Variants in FRS2 observed in about 807,000 individuals in gnomAD.
The protein encoded by FRS2 is fibroblast growth factor receptor substrate 2, also known as FGFR signalling adaptor.
Under a neutral mutation model 43.9 loss-of-function variants are expected in FRS2, and 8 were observed. The observed-to-expected ratio is 0.18, with a 90% CI of 0.11 to 0.33. The LOEUF (loss-of-function observed/expected upper bound fraction) is 0.33. Ranked by LOEUF, FRS2 falls within the 10% of genes least tolerant of loss-of-function variation. FRS2 has a pLI of 1.00. For missense variants in FRS2, 534 were observed against 627.6 expected (o/e 0.85, Z 1.59); for synonymous variants, 219 against 220.3 (o/e 0.99, Z 0.05).
intron 1 of FRS2, among the ~76,000 whole-genome samples, chr12:69,474,580 A>C (rs1050851076): frequency 5.3e-5 from 8 of 152,230 alleles, no homozygotes; most frequent in African/African-American, 1.4e-4. Flanking sequence ...CTGATCATTA[A>C]AAATCCAATT....
intron 3 of FRS2, among the ~76,000 whole-genome samples, chr12:69,544,644 T>C (rs573421592): frequency 2.0e-5 from 3 of 151,806 alleles, no homozygotes; most frequent in Admixed American, 1.3e-4. Flanking sequence ...GAGGAGGGGG[T>C]TGCAGTGAGC....
chr12:69,486,285 G>A (rs1318975091), intron 1 of FRS2: 2 of 151,576 alleles, frequency 1.3e-5, no homozygotes, highest in Admixed American at 6.6e-5. Flanking sequence ...TCATGTCTCT[G>A]GGTCACATTT....
intron 4 of FRS2, among the ~76,000 whole-genome samples, chr12:69,567,271 T>C (rs11177720): frequency 0.026 from 3,922 of 152,306 alleles, 156 homozygotes; most frequent in African/African-American, 0.089. Flanking sequence ...GCATATTAGT[T>C]AAAGCAAAAA....
Position 69,574,714 on chromosome 12 carries a change from T to C in FRS2, c.1286T>C (p.Leu429Ser). Residue 429 changes from leucine to serine, a missense_variant, in exon 9 of 9, where the codon TTA becomes TCA. Leu to Ser is a moderately radical substitution (Grantham distance 145). Around this residue, in one of 3 missense-constraint regions of FRS2, gnomAD observed 446 missense variants for 494.2 expected, o/e 0.90. Transcript: ENST00000549921. ...VFNFDIRRPS[L>S]EHRQLNYIQV... ...AACTTTGATATCAGACGCCCAAGTT[T>C]AGAACACAGGCAGCTTAATTACATA... 4.3e-6 allele frequency: 7 copies of C among 1,614,138 alleles called. No individual in the cohort carries two copies. Among genetic ancestry groups the C allele is most frequent in the Non-Finnish European group, 5.9e-6 (7 of 1,179,996 alleles).
At chr12:69,474,362 A>G (rs879607902) in intron 1 of FRS2, among the ~76,000 whole-genome samples, 10 of 152,102 alleles carry the variant, frequency 6.6e-5, no homozygotes, top group Non-Finnish European at 2.9e-5. Context: ...AATAATACAA[A>G]TAGGTGTACT....
At chr12:69,550,918 A>T (rs1376181585) in intron 3 of FRS2, among the ~76,000 whole-genome samples, 1 of 152,234 alleles carries the variant, frequency 6.6e-6, no homozygotes, top group Non-Finnish European at 1.5e-5. Context: ...TAAAAAGATT[A>T]TTTAAAGTAC....
At chr12:69,573,604 A>G (rs1880942044) in intron 8 of FRS2, among the ~76,000 whole-genome samples, 1 of 152,102 alleles carries the variant, frequency 6.6e-6, no homozygotes, top group South Asian at 2.1e-4. Flanking sequence ...CTAGGATTAC[A>G]GGCGCTCACC....
rs1179357290 is a variant in FRS2 at position 69,577,469 on chromosome 12, G to A, written c.*2514G>A. On this transcript the variant is annotated 3_prime_UTR_variant, in exon 9 of 9. Transcript: ENST00000549921. ...AGAATGAAATATTGATATTTTATTA[G>A]CATATAATTGTGGCCATATATCTCA... is the stretch of plus-strand genomic sequence containing the variant. The A allele has an allele frequency of 1.3e-5, 2 of 152,328 alleles. No individual in the cohort carries two copies. Among genetic ancestry groups the A allele is most frequent in the Non-Finnish European group, 2.9e-5 (2 of 67,992 alleles). 9.4% of individuals were successfully genotyped at this position (152,328 alleles called of 1,614,324 possible).
intron 4 of FRS2, among the ~76,000 whole-genome samples, 157 bp from the exon 5 acceptor site, chr12:69,568,848 G>C (rs1880511660): frequency 6.6e-6 from 1 of 152,062 alleles, no homozygotes; most frequent in South Asian, 2.1e-4. Context: ...AAATCAACTA[G>C]CTAGTTGTAT....
At chr12:69,492,380 T>C (rs1378579021) in intron 1 of FRS2, among the ~76,000 whole-genome samples, 2 of 152,206 alleles carry the variant, frequency 1.3e-5, no homozygotes, top group Non-Finnish European at 2.9e-5. Flanking sequence ...GATCCTGATA[T>C]CTGTGATTCA....
At position 69,565,507 on chromosome 12, in the gene FRS2, A is replaced by G. The variant is rs1311919999; in HGVS notation, c.-27+3233A>G. Among the ~76,000 whole-genome samples, 6 of 152,314 alleles carry G rather than the reference A, an allele frequency of 3.9e-5. No homozygotes were observed. In the Middle Eastern group the frequency reaches 0.017, roughly 432 times the overall value. ...ACTTTTTGACTCTCTTATAATATTT[A>G]GCTTAAAACACACACATTCTACAGC... On this transcript the variant is annotated intron_variant, in intron 4 of 8. Transcript: ENST00000549921.
At chr12:69,546,702 C>A (rs1878442302) in intron 3 of FRS2, among the ~76,000 whole-genome samples, 1 of 152,034 alleles carries the variant, frequency 6.6e-6, no homozygotes, top group Admixed American at 6.6e-5. Context: ...AGGATGGCTA[C>A]TATTTTTTAA....
intron 1 of FRS2, among the ~76,000 whole-genome samples, chr12:69,501,951 G>GT (rs965243679): frequency 1.6e-4 from 20 of 128,014 alleles, no homozygotes; most frequent in Admixed American, 4.7e-4. Flanking sequence ...ACACCTATCT[G>GT]TTTTTTTTGT....
intron 3 of FRS2, among the ~76,000 whole-genome samples, chr12:69,538,955 C>T (rs7310738): frequency 0.013 from 1,908 of 152,220 alleles, 45 homozygotes; most frequent in African/African-American, 0.043. Context: ...GATGCCATGA[C>T]ACCCCGGTAG....
chr12:69,540,499 A>G (rs1159539172), intron 3 of FRS2, among the ~76,000 whole-genome samples: 1 of 152,250 alleles, frequency 6.6e-6, no homozygotes, highest in African/African-American at 2.4e-5. Context: ...AACTCAGAGT[A>G]TAAAATAAAT....
chr12:69,476,425 A>C (rs1592902240), intron 1 of FRS2, among the ~76,000 whole-genome samples: 1 of 152,316 alleles, frequency 6.6e-6, no homozygotes, highest in East Asian at 1.9e-4. Flanking sequence ...ATTAGCCAAC[A>C]AGATAAATAA....
At chr12:69,561,386 A>G (rs988471007) in intron 3 of FRS2, among the ~76,000 whole-genome samples, 1 of 152,328 alleles carries the variant, frequency 6.6e-6, no homozygotes, top group East Asian at 1.9e-4. Flanking sequence ...CATTTTGGCT[A>G]TCAATCATAT....
At chr12:69,519,134 G>T (rs980618163) in intron 1 of FRS2, among the ~76,000 whole-genome samples, 1 of 152,166 alleles carries the variant, frequency 6.6e-6, no homozygotes, top group African/African-American at 2.4e-5. Context: ...TTAATGGACT[G>T]GGTGACAGTC....
chr12:69,575,193 A>G lies in FRS2; in HGVS notation c.*238A>G, dbSNP rs1362549352. 8.9e-6 allele frequency: 4 copies of G among 447,050 alleles called. No individual in the cohort carries two copies. The highest frequency in any genetic ancestry group is 5.9e-5 in the African/African-American group (3 of 50,438). 27.7% of individuals were successfully genotyped at this position (447,050 alleles called of 1,614,324 possible). ...CAGCATTCCCGTTTTCACAGTGCCT[A>G]TTTAAAATGAGAGTTGAAGTAAATG... On this transcript the variant is annotated 3_prime_UTR_variant, in exon 9 of 9. Transcript: ENST00000549921.
Sources: allele counts gnomAD v4.1 joint callset (sites outside exome capture counted in the v4.1 genomes callset), GRCh38; gene constraint gnomAD v4.1.1; regional missense constraint gnomAD v4.1.1; transcripts MANE v1.5; gene names NCBI Gene and HGNC (gene_info 2026-07-23, HGNC 2026-07-21).